ALG5: variants seen among roughly 807,000 people sequenced by gnomAD.
ALG5 encodes ALG5 dolichyl-phosphate beta-glucosyltransferase.
In ALG5, 26 loss-of-function variants were observed where a neutral mutation model predicts 51.8. The observed-to-expected ratio is 0.50, with a 90% CI of 0.37 to 0.70. The LOEUF (loss-of-function observed/expected upper bound fraction) is 0.70. ALG5 is among the 30% of genes least tolerant of loss of function. The pLI, the probability that ALG5 is intolerant of heterozygous loss-of-function variation, is 0.00. For synonymous variants in ALG5, 141 were observed against 136.1 expected (o/e 1.04, Z -0.25); for missense variants, 311 against 399.3 (o/e 0.78, Z 1.88).
chr13:36,951,643 A>G (rs1339214107), intron 9 of ALG5, among the ~76,000 whole-genome samples: 1 of 152,250 alleles, frequency 6.6e-6, no homozygotes, highest in African/African-American at 2.4e-5. Flanking sequence ...GAGCTGTCTA[A>G]GCCTTTTAAA....
chr13:36,968,690 T>C (rs1327268186), intron 7 of ALG5, among the ~76,000 whole-genome samples: 2 of 152,198 alleles, frequency 1.3e-5, no homozygotes, highest in South Asian at 2.1e-4. Context: ...GCTACCGAAG[T>C]TGTCATTTGC....
At chr13:36,965,442 T>C in intron 8 of ALG5, 133 bp downstream of exon 8, 5 of 940,928 alleles carry the variant, frequency 5.3e-6, no homozygotes, top group Non-Finnish European at 7.9e-6. Context: ...AAAGGCAAGA[T>C]CAAGTTTACA....
chr13:36,996,563 A>C (rs1394985612), intron 1 of ALG5, among the ~76,000 whole-genome samples: 1 of 152,144 alleles, frequency 6.6e-6, no homozygotes, highest in Non-Finnish European at 1.5e-5. Flanking sequence ...TCGTCCTCCC[A>C]CTTCCCCCCT....
intron 7 of ALG5, among the ~76,000 whole-genome samples, chr13:36,969,375 T>C (rs773085440): frequency 6.6e-6 from 1 of 151,732 alleles, no homozygotes; most frequent in Non-Finnish European, 1.5e-5. Flanking sequence ...CTATCTTTTT[T>C]CCTTCACCAA....
intron 6 of ALG5, among the ~76,000 whole-genome samples, chr13:36,977,504 A>C (rs9635073): frequency 6.6e-6 from 1 of 152,056 alleles, no homozygotes; most frequent in Non-Finnish European, 1.5e-5. Context: ...ATTTAAAAAA[A>C]CAAAAAAATA....
Position 36,991,482 on chromosome 13 carries a change from T to C in ALG5, c.355-1906A>G, listed in dbSNP as rs149529184. On this transcript the variant is annotated intron_variant, in intron 4 of 9. Transcript: ENST00000239891. ...ACCAGCAAATGCAGCCATGGTCCTG[T>C]TGTAGCACTGTTAACTAGCTGCCAA... Among the ~76,000 whole-genome samples the C allele has an allele frequency of 1.8e-4, 27 of 152,344 alleles. No homozygotes were observed. In the East Asian group the frequency reaches 3.1e-3, roughly 17 times the overall value.
chr13:36,977,140 TC>T (rs1478339044), intron 6 of ALG5, among the ~76,000 whole-genome samples: 1 of 152,204 alleles, frequency 6.6e-6, no homozygotes, highest in Non-Finnish European at 1.5e-5. Flanking sequence ...AAGAGCTGAA[TC>T]CCTGATACCA....
At chr13:36,976,366 C>T (rs1020585793) in intron 6 of ALG5, among the ~76,000 whole-genome samples, 17 of 128,876 alleles carry the variant, frequency 1.3e-4, no homozygotes, top group Admixed American at 5.0e-4. Flanking sequence ...GTGGAGGTTG[C>T]AGTGAGACAA....
At chr13:36,976,750 G>A (rs200913481) in intron 6 of ALG5, among the ~76,000 whole-genome samples, 6 of 149,576 alleles carry the variant, frequency 4.0e-5, no homozygotes, top group African/African-American at 2.5e-5. Flanking sequence ...TCTGTCTCAG[G>A]AAAAAAAAAA....
At chr13:36,969,790 C>T (rs1442998148) in intron 7 of ALG5, among the ~76,000 whole-genome samples, 1 of 152,156 alleles carries the variant, frequency 6.6e-6, no homozygotes, top group East Asian at 1.9e-4. Context: ...CTGCCTCGGC[C>T]TCTCAAAGTG....
intron 6 of ALG5, among the ~76,000 whole-genome samples, chr13:36,983,047 A>G (rs1237134245): frequency 6.6e-6 from 1 of 152,202 alleles, no homozygotes; most frequent in African/African-American, 2.4e-5. Context: ...TTCTTTACAG[A>G]GTAGTATAAA....
At chr13:36,961,784 C>T (rs1454070772) in intron 8 of ALG5, among the ~76,000 whole-genome samples, 1 of 151,970 alleles carries the variant, frequency 6.6e-6, no homozygotes. Context: ...CAAAGAGATA[C>T]TGAGAGTCTT....
At chr13:36,979,125 T>C (rs569882829) in intron 6 of ALG5, among the ~76,000 whole-genome samples, 1 of 152,134 alleles carries the variant, frequency 6.6e-6, no homozygotes, top group South Asian at 2.1e-4. Context: ...CAAGTTATTC[T>C]CCTGCTTCGG....
intron 8 of ALG5, among the ~76,000 whole-genome samples, chr13:36,962,284 T>C (rs1008321308): frequency 1.2e-4 from 18 of 152,346 alleles, no homozygotes; most frequent in Middle Eastern, 3.4e-3. Context: ...TATTGTTCTT[T>C]AGTCTTGATT....
chr13:36,999,260 G>GCCGCGCCGAGCA lies in ALG5; in HGVS notation c.29_40dup (p.Val10_Ala13dup). The GCCGCGCCGAGCA allele has an allele frequency of 6.3e-7, 1 of 1,580,666 alleles. No individual in the cohort carries two copies. The highest frequency in any genetic ancestry group is 2.5e-5 in the East Asian group (1 of 40,206). ...CAGTACGAGGGCTGCGGCCGCCAGC[G>GCCGCGCCGAGCA]CCGCGCCGAGCACCGCCAGCTGCAA... On this transcript the variant is annotated inframe_insertion, in exon 1 of 10. Coordinates refer to ENST00000239891, the MANE Select transcript of ALG5 (RefSeq NM_013338.5).
In ALG5 at chr13:36,976,923, T is replaced by G. The variant is rs538205146; in HGVS notation, c.562-4887A>C. The stretch of plus-strand genomic sequence containing the variant: ...GGCAAATCAGTTTTAACTTTAAACT[T>G]GAAAAGAGCAACAACACTATTGAGT... On this transcript the variant is annotated intron_variant, in intron 6 of 9. Coordinates refer to ENST00000239891, the MANE Select transcript of ALG5 (RefSeq NM_013338.5). Among the ~76,000 whole-genome samples the G allele has an allele frequency of 2.8e-4, 43 of 152,328 alleles. No homozygotes were observed. In the South Asian group the frequency reaches 8.3e-3, roughly 29 times the overall value.
intron 6 of ALG5, among the ~76,000 whole-genome samples, chr13:36,974,722 C>T (rs532339569): frequency 3.3e-5 from 5 of 151,800 alleles, no homozygotes; most frequent in Non-Finnish European, 5.9e-5. Context: ...GCCCCCCCAC[C>T]ACCATCCCAC....
At chr13:36,970,489 A>G (rs2058917305) in intron 7 of ALG5, among the ~76,000 whole-genome samples, 1 of 152,070 alleles carries the variant, frequency 6.6e-6, no homozygotes, top group South Asian at 2.1e-4. Context: ...AATCCCAGCT[A>G]CTCGGGAAGC....
intron 2 of ALG5, 64 bp from the exon 3 acceptor site, chr13:36,995,099 G>C (rs138898286): frequency 7.1e-7 from 1 of 1,399,340 alleles, no homozygotes; most frequent in East Asian, 2.3e-5. Flanking sequence ...GGCACATTCA[G>C]CTTACATACA....
Sources: allele counts gnomAD v4.1 joint callset (sites outside exome capture counted in the v4.1 genomes callset), GRCh38; gene constraint gnomAD v4.1.1; transcripts MANE v1.5; gene names NCBI Gene and HGNC (gene_info 2026-07-23, HGNC 2026-07-21).